Variants in FTCDNL1 observed in about 807,000 individuals in gnomAD.
FTCDNL1 encodes formiminotransferase cyclodeaminase N-terminal like.
FTCDNL1 carries 11 observed loss-of-function variants against 5.9 expected under a neutral mutation model. The observed-to-expected ratio is 1.87, with a 90% CI of 1.18 to 3.10. FTCDNL1 has a LOEUF of 3.10. FTCDNL1 is among the 30% of genes most tolerant of loss of function. The pLI, the probability that FTCDNL1 is intolerant of heterozygous loss-of-function variation, is 0.00. For missense variants in FTCDNL1, 115 were observed against 65.5 expected (o/e 1.76, Z -2.61); for synonymous variants, 58 against 24.8 (o/e 2.34, Z -3.99).
chr2:199,826,776 A>G (rs926310898), intron 3 of FTCDNL1, among the ~76,000 whole-genome samples: 13 of 152,234 alleles, frequency 8.5e-5, no homozygotes, highest in African/African-American at 3.1e-4. Flanking sequence ...CCTGGGTGAC[A>G]GAGCAAGACT....
chr2:199,830,554 T>G (rs1308644915), intron 3 of FTCDNL1, among the ~76,000 whole-genome samples: 1 of 152,214 alleles, frequency 6.6e-6, no homozygotes, highest in Non-Finnish European at 1.5e-5. Context: ...CTAACCAGTA[T>G]TCGTCCCATA....
chr2:199,785,725 C>T (rs906170811), intron 3 of FTCDNL1: 2 of 152,204 alleles, frequency 1.3e-5, no homozygotes, highest in Non-Finnish European at 2.9e-5. Context: ...GATCCTCTCA[C>T]ATCAGCCTCC....
At chr2:199,669,855 T>C in the FTCDNL1 span, among the ~76,000 whole-genome samples, 2 of 150,618 alleles carry the variant, frequency 1.3e-5, no homozygotes, top group Non-Finnish European at 2.9e-5. Context: ...AGATAATATT[T>C]TATACAAGAT....
At chr2:199,741,478 A>G in the FTCDNL1 span, among the ~76,000 whole-genome samples, 1 of 152,162 alleles carries the variant, frequency 6.6e-6, no homozygotes, top group Non-Finnish European at 1.5e-5. Context: ...TTTATTTTTT[A>G]ATTAGCAGTC....
the FTCDNL1 span, among the ~76,000 whole-genome samples, chr2:199,667,456 G>A: frequency 1.5e-4 from 22 of 150,650 alleles, no homozygotes; most frequent in Admixed American, 2.7e-4. Flanking sequence ...GGGCAACATA[G>A]TGAGACCTCG....
the FTCDNL1 span, among the ~76,000 whole-genome samples, chr2:199,692,271 A>C: frequency 6.6e-6 from 1 of 152,202 alleles, no homozygotes. Flanking sequence ...TAATTTTTCA[A>C]GAAAGAGAGA....
At chr2:199,766,847 G>A (rs549039577) in intron 3 of FTCDNL1, among the ~76,000 whole-genome samples, 64 of 152,108 alleles carry the variant, frequency 4.2e-4, no homozygotes, top group African/African-American at 1.5e-3. Context: ...TTCCAGCAAT[G>A]TTTTCTGACT....
At chr2:199,835,713 T>C (rs1435099023) in intron 3 of FTCDNL1, among the ~76,000 whole-genome samples, 2 of 152,342 alleles carry the variant, frequency 1.3e-5, no homozygotes, top group Non-Finnish European at 2.9e-5. Context: ...TCCACAGTTA[T>C]GGGGCCTGAG....
the FTCDNL1 span, among the ~76,000 whole-genome samples, chr2:199,752,738 C>CTGTGTGTGTGTG: frequency 4.0e-5 from 1 of 25,212 alleles, no homozygotes; most frequent in African/African-American, 5.5e-5. Context: ...ATCTCTCTCT[C>CTGTGTGTGTGTG]TCTGTGTGTG....
intron 1 of FTCDNL1, among the ~76,000 whole-genome samples, chr2:199,850,239 A>G (rs1014662165): frequency 6.6e-6 from 1 of 152,214 alleles, no homozygotes; most frequent in Non-Finnish European, 1.5e-5. Context: ...GTTGTAATAA[A>G]GCAACCCAGA....
chr2:199,732,512 A>G, the FTCDNL1 span, among the ~76,000 whole-genome samples: 6 of 152,228 alleles, frequency 3.9e-5, no homozygotes, highest in African/African-American at 1.4e-4. Flanking sequence ...ATGTCCATCA[A>G]TAGGCAAAAT....
downstream of FTCDNL1, among the ~76,000 whole-genome samples, chr2:199,809,199 T>TA (rs936741877): frequency 8.7e-5 from 13 of 149,902 alleles, no homozygotes; most frequent in Non-Finnish European, 1.6e-4. Context: ...CAAATGTAAG[T>TA]AAAAAAAATT....
At chr2:199,727,864 T>A in the FTCDNL1 span, among the ~76,000 whole-genome samples, 1 of 152,350 alleles carries the variant, frequency 6.6e-6, no homozygotes, top group East Asian at 1.9e-4. Context: ...CCCATTTAAA[T>A]CAAATATAAG....
chr2:199,793,593 A>G (rs1356597080), intron 3 of FTCDNL1, among the ~76,000 whole-genome samples: 1 of 152,218 alleles, frequency 6.6e-6, no homozygotes, highest in South Asian at 2.1e-4. Context: ...CAAGACAATG[A>G]AAAATCTAAG....
the FTCDNL1 span, among the ~76,000 whole-genome samples, chr2:199,732,624 T>C: frequency 1.0e-4 from 15 of 147,318 alleles, no homozygotes; most frequent in Admixed American, 9.4e-4. Flanking sequence ...TATCACTGAA[T>C]GAAAAAAAAA....
the FTCDNL1 span, among the ~76,000 whole-genome samples, chr2:199,676,675 T>C: frequency 6.6e-6 from 1 of 152,152 alleles, no homozygotes; most frequent in African/African-American, 2.4e-5. Flanking sequence ...TTGATGTTCT[T>C]AAGCAAATGC....
downstream of FTCDNL1, among the ~76,000 whole-genome samples, chr2:199,804,649 G>A (rs114570666): frequency 2.2e-3 from 338 of 152,210 alleles, 2 homozygotes; most frequent in African/African-American, 6.7e-3. Flanking sequence ...AATAATGTGC[G>A]AATGAGAAGA....
the FTCDNL1 span, among the ~76,000 whole-genome samples, chr2:199,714,606 A>G: frequency 1.3e-5 from 2 of 152,152 alleles, no homozygotes; most frequent in Admixed American, 1.3e-4. Flanking sequence ...CTTCTTTCCA[A>G]ATGGATGTTC....
chr2:199,784,428 A>G (rs541183594), intron 3 of FTCDNL1, among the ~76,000 whole-genome samples: 1 of 152,192 alleles, frequency 6.6e-6, no homozygotes, highest in Non-Finnish European at 1.5e-5. Context: ...CTTGCTGCCA[A>G]CCTGTGCCAT....
Sources: allele counts gnomAD v4.1 joint callset (sites outside exome capture counted in the v4.1 genomes callset), GRCh38; gene constraint gnomAD v4.1.1; transcripts MANE v1.5; gene names NCBI Gene and HGNC (gene_info 2026-07-23, HGNC 2026-07-21).